CFH: variants seen among roughly 807,000 people sequenced by gnomAD.
CFH encodes the protein complement factor H, also known as H factor 1 (complement).
A neutral mutation model predicts 147.3 loss-of-function variants in CFH; 53 were observed. The ratio of observed to expected loss-of-function variants is 0.36; its 90% confidence interval spans 0.29 to 0.45. The LOEUF (loss-of-function observed/expected upper bound fraction) is 0.45. CFH is among the 20% of genes least tolerant of loss of function. CFH has a pLI of 1.00. For missense variants in CFH, 1,380 were observed against 1,498.0 expected (o/e 0.92, Z 1.30); for synonymous variants, 536 against 489.4 (o/e 1.10, Z -1.26).
intron 8 of CFH, 40 bp from the exon 9 acceptor site, chr1:196,690,023 C>T (rs907736196): frequency 2.6e-6 from 4 of 1,547,210 alleles, no homozygotes; most frequent in African/African-American, 2.8e-5. Context: ...ATTTATGTTT[C>T]TCATTTACTT....
intron 15 of CFH, among the ~76,000 whole-genome samples, chr1:196,734,659 G>T (rs968671683): frequency 5.9e-5 from 9 of 151,956 alleles, no homozygotes; most frequent in Non-Finnish European, 7.4e-5. Flanking sequence ...GTGTGCCTGT[G>T]GGGGGAAGGG....
rs577764792 is a variant in CFH, at chr1:196,671,704, A to G, written c.59-1274A>G. Reference sequence around the variant, plus strand: ...ATATACTATATATGTGTGTACATATATTAGACTTTTGAGATAGAAGAAGCC... The same window carrying G: ...ATATACTATATATGTGTGTACATATGTTAGACTTTTGAGATAGAAGAAGCC... On this transcript the variant is annotated intron_variant, in intron 1 of 21. Transcript: ENST00000367429. Among the ~76,000 whole-genome samples the G allele has an allele frequency of 2.7e-5, 4 of 149,516 alleles. No homozygotes were observed. The South Asian group carries it at 6.3e-4, about 24-fold the overall frequency.
chr1:196,687,362 T>G (rs989470325), intron 7 of CFH, among the ~76,000 whole-genome samples: 1 of 152,064 alleles, frequency 6.6e-6, no homozygotes, highest in African/African-American at 2.4e-5. Context: ...GGAATCAATT[T>G]GTAAAAGGGA....
chr1:196,745,762 C>T, intron 20 of CFH, 55 bp from the exon 21 acceptor site: 1 of 1,612,906 alleles, frequency 6.2e-7, no homozygotes, highest in Non-Finnish European at 8.5e-7. Context: ...CTTATTTGAA[C>T]TTGTATTTTG....
In CFH at chr1:196,726,625, G is replaced by A. The variant is rs757407902; in HGVS notation, c.2029G>A (p.Glu677Lys). 6.2e-7 allele frequency: 1 copy of A among 1,611,864 alleles called. No homozygotes were observed. Among genetic ancestry groups the A allele is most frequent in the Non-Finnish European group, 8.5e-7 (1 of 1,178,044 alleles). ...TAATAAAATTCAATGTGTTGATGGA[G>A]AGTGGACAACTTTACCAGTGTGTAT... ...GPNKIQCVDG[E>K]WTTLPVCIVE... The change falls in exon 13 of 22, where the codon GAG becomes AAG. Residue 677 changes from glutamate to lysine, a missense_variant. Physicochemically the swap from Glu to Lys is moderately conservative, Grantham distance 56. Transcript: ENST00000367429.
chr1:196,673,385 G>A (rs1303360586), intron 2 of CFH: 3 of 533,086 alleles, frequency 5.6e-6, no homozygotes, highest in Non-Finnish European at 1.0e-5. Flanking sequence ...TCGCCTGGCT[G>A]GAGTGCAGTG....
At chr1:196,698,401 T>C (rs1668350221) in intron 9 of CFH, among the ~76,000 whole-genome samples, 1 of 152,022 alleles carries the variant, frequency 6.6e-6, no homozygotes. Flanking sequence ...TCACCACTGA[T>C]CCCAGAGAAA....
Position 196,747,428 on chromosome 1 carries a change from A to T in CFH, c.*115A>T. On this transcript the variant is annotated 3_prime_UTR_variant, in exon 22 of 22. Transcript: ENST00000367429. ...TATTCATACGTAAAATTTTGGATTA[A>T]TTTGTGAAAATGTAATTATAAGCTG... 2 of 1,278,010 alleles carry T rather than the reference A, an allele frequency of 1.6e-6. No individual in the cohort carries two copies. The highest frequency in any genetic ancestry group is 2.2e-6 in the Non-Finnish European group (2 of 899,536). 79.2% of individuals were successfully genotyped at this position (1,278,010 alleles called of 1,614,324 possible).
At position 196,679,780 on chromosome 1, in the gene CFH, G is replaced by A. The variant is rs1256348146; in HGVS notation, c.777G>A (p.Leu259=). 4 of 1,610,360 alleles carry A rather than the reference G, an allele frequency of 2.5e-6. No individual in the cohort carries two copies. Among genetic ancestry groups the A allele is most frequent in the South Asian group, 1.1e-5 (1 of 90,710 alleles). Residue 259 remains leucine (L), a synonymous_variant, in exon 6 of 22, where the codon TTG becomes TTA. Coordinates refer to ENST00000367429, the MANE Select transcript of CFH (RefSeq NM_000186.4). ...AVCTESGWRP[L]PSCEEKSCDN... is the part of the protein sequence containing the mutation. ...GCACTGAATCTGGATGGCGTCCGTT[G>A]CCTTCATGTGAAGGTAATGTTACCT...
chr1:196,663,710 G>A (rs557452051), intron 1 of CFH, among the ~76,000 whole-genome samples: 1 of 152,260 alleles, frequency 6.6e-6, no homozygotes, highest in South Asian at 2.1e-4. Flanking sequence ...TTCAGTGTGA[G>A]ACTACCTTAA....
At chr1:196,684,538 G>A (rs2149084946) in intron 6 of CFH, among the ~76,000 whole-genome samples, 1 of 151,808 alleles carries the variant, frequency 6.6e-6, no homozygotes, top group South Asian at 2.1e-4. Flanking sequence ...GGTATCTTTG[G>A]GAAAGAGAAC....
chr1:196,719,922 TA>T (rs1474840222), intron 11 of CFH, among the ~76,000 whole-genome samples: 4 of 151,684 alleles, frequency 2.6e-5, no homozygotes, highest in Non-Finnish European at 5.9e-5. Context: ...ATGTGTTTTT[TA>T]TATTTTTTTT....
chr1:196,656,863 T>G (rs1666711996), intron 1 of CFH, among the ~76,000 whole-genome samples: 1 of 152,206 alleles, frequency 6.6e-6, no homozygotes, highest in African/African-American at 2.4e-5. Flanking sequence ...TTATCTCTAA[T>G]TATGACATAC....
intron 2 of CFH, 146 bp downstream of exon 2, chr1:196,673,309 T>C (rs1377277422): frequency 1.0e-5 from 8 of 800,086 alleles, no homozygotes; most frequent in Non-Finnish European, 1.2e-5. Flanking sequence ...TGTTTTGAGA[T>C]GGAGTCTGGC....
chr1:196,704,969 A>G (rs1406286436), intron 9 of CFH, among the ~76,000 whole-genome samples: 3 of 152,186 alleles, frequency 2.0e-5, no homozygotes, highest in Non-Finnish European at 4.4e-5. Flanking sequence ...CCAGAGTCCC[A>G]TGAAGTGTTT....
intron 9 of CFH, among the ~76,000 whole-genome samples, chr1:196,704,353 C>T (rs1668535551): frequency 6.6e-6 from 1 of 152,154 alleles, no homozygotes; most frequent in Non-Finnish European, 1.5e-5. Context: ...CCTTGGCCTC[C>T]CAAAGTGCTG....
intron 1 of CFH, among the ~76,000 whole-genome samples, chr1:196,655,243 T>G (rs1666647459): frequency 6.6e-6 from 1 of 152,134 alleles, no homozygotes; most frequent in African/African-American, 2.4e-5. Context: ...AAAGTGATTC[T>G]GGAAGATGGG....
chr1:196,712,397 C>A (rs1668742940), intron 9 of CFH, among the ~76,000 whole-genome samples: 1 of 150,442 alleles, frequency 6.6e-6, no homozygotes, highest in South Asian at 2.1e-4. Context: ...AGTTTTTATT[C>A]TTTTCTTTTA....
At chr1:196,737,799 G>A in intron 17 of CFH, 139 bp downstream of exon 17, 2 of 607,988 alleles carry the variant, frequency 3.3e-6, no homozygotes, top group Non-Finnish European at 5.5e-6. Context: ...AATACTTTTT[G>A]CATGATTGAA....
Sources: allele counts gnomAD v4.1 joint callset (sites outside exome capture counted in the v4.1 genomes callset), GRCh38; gene constraint gnomAD v4.1.1; transcripts MANE v1.5; gene names NCBI Gene and HGNC (gene_info 2026-07-23, HGNC 2026-07-21).